Variants in IGSF3 observed in about 807,000 individuals in gnomAD.
IGSF3 encodes immunoglobulin superfamily member 3.
IGSF3 carries 23 observed loss-of-function variants against 114.4 expected under a neutral mutation model. The ratio of observed to expected loss-of-function variants is 0.20; its 90% confidence interval spans 0.14 to 0.28. The LOEUF is 0.28. Among genes scored for constraint, IGSF3 ranks in the 10% least tolerant of loss-of-function variants. IGSF3 has a pLI of 1.00. For missense variants in IGSF3, 1,172 were observed against 1,591.5 expected (o/e 0.74, Z 4.48); for synonymous variants, 571 against 645.2 (o/e 0.88, Z 1.74).
At chr1:116,586,528 C>T (rs998109963) in intron 8 of IGSF3, among the ~76,000 whole-genome samples, 2 of 152,188 alleles carry the variant, frequency 1.3e-5, no homozygotes, top group African/African-American at 4.8e-5. Flanking sequence ...AGCTGTTTTA[C>T]TCGGTGTCCT....
At chr1:116,667,416 G>C (rs1649382593) in intron 1 of IGSF3, among the ~76,000 whole-genome samples, 1 of 152,140 alleles carries the variant, frequency 6.6e-6, no homozygotes, top group African/African-American at 2.4e-5. Context: ...GGGAAGAAGG[G>C]AGTCCGGAGC....
At chr1:116,590,008 C>T (rs1045436719) in intron 7 of IGSF3, among the ~76,000 whole-genome samples, 1 of 151,674 alleles carries the variant, frequency 6.6e-6, no homozygotes, top group African/African-American at 2.4e-5. Flanking sequence ...AGTGGGTGAG[C>T]GAATGAGAGC....
rs1179843571 is a variant in IGSF3, at chr1:116,594,914, C to T, written c.2029+5027G>A. ...CCCCATTCCCTCCTCACGCCCCCTG[C>T]CCCCGTTCATGCCCTGTGCTGGCTC... On this transcript the variant is annotated intron_variant, in intron 7 of 10. Transcript: ENST00000369486. The surrounding 1 kb of genome is among the most constrained non-coding windows in gnomAD (Gnocchi z 5.2). Among the ~76,000 whole-genome samples the T allele has an allele frequency of 6.6e-6, 1 of 152,108 alleles. No homozygotes were observed. The highest frequency in any genetic ancestry group is 1.5e-5 in the Non-Finnish European group (1 of 68,022).
Position 116,595,542 on chromosome 1 carries a change from C to A in IGSF3, c.2029+4399G>T, listed in dbSNP as rs201387935. 6.6e-6 allele frequency among the ~76,000 whole-genome samples: 1 copy of A among 152,158 alleles called. No individual in the cohort carries two copies. Among genetic ancestry groups the A allele is most frequent in the Non-Finnish European group, 1.5e-5 (1 of 68,028 alleles). ...TCAGCAATAAGAAATAGAAGAAAACCGATTTGGCAACATCCAGAGGGTATT... is the reference window on the plus strand; with the variant it reads ...TCAGCAATAAGAAATAGAAGAAAACAGATTTGGCAACATCCAGAGGGTATT... On this transcript the variant is annotated intron_variant, in intron 7 of 10. Coordinates refer to ENST00000369486, the MANE Select transcript of IGSF3 (RefSeq NM_001007237.3). This position sits in a 1 kb window ranked among gnomAD's most constrained non-coding sequence, Gnocchi z 4.2.
intron 2 of IGSF3, chr1:116,617,385 C>A (rs4044846): frequency 1.0e-6 from 1 of 985,244 alleles, no homozygotes; most frequent in African/African-American, 1.7e-5. Context: ...GGGGCACAAC[C>A]CTGCCTCTTC....
At chr1:116,590,470 C>T (rs969689057) in intron 7 of IGSF3, among the ~76,000 whole-genome samples, 5 of 152,138 alleles carry the variant, frequency 3.3e-5, no homozygotes, top group African/African-American at 9.7e-5. Context: ...TTAGTTTTTC[C>T]GCCACAGGGA....
chr1:116,656,477 A>G (rs1375373111), intron 2 of IGSF3, among the ~76,000 whole-genome samples: 3 of 151,434 alleles, frequency 2.0e-5, no homozygotes, highest in Non-Finnish European at 4.4e-5. Flanking sequence ...ATTTTTTTGT[A>G]TTTGGGGTTT....
intron 7 of IGSF3, among the ~76,000 whole-genome samples, chr1:116,591,124 C>T (rs1224188050): frequency 6.6e-6 from 1 of 152,030 alleles, no homozygotes; most frequent in African/African-American, 2.4e-5. Flanking sequence ...AGAAAGTCCT[C>T]TAGGGCACAC....
intron 6 of IGSF3, among the ~76,000 whole-genome samples, chr1:116,601,674 A>C (rs1246814572): frequency 3.3e-5 from 5 of 152,244 alleles, no homozygotes; most frequent in African/African-American, 1.2e-4. Flanking sequence ...AGGTAGGTAC[A>C]ATTTGCTGAA....
At position 116,616,005 on chromosome 1, in the gene IGSF3, G is replaced by C; in HGVS notation, c.421+75C>G. On this transcript the variant is annotated intron_variant, in intron 3 of 10. Transcript: ENST00000369486. This position sits in a 1 kb window ranked among gnomAD's most constrained non-coding sequence, Gnocchi z 6.6. ...GATTTTTTTTAAAGTCAAATGCATG[G>C]CATAAAGCAAAATTACGCTACTAAA... 7.4e-7 allele frequency: 1 copy of C among 1,353,740 alleles called. No individual in the cohort carries two copies. The highest frequency in any genetic ancestry group is 1.0e-6 in the Non-Finnish European group (1 of 985,926). 83.9% of individuals were successfully genotyped at this position (1,353,740 alleles called of 1,614,324 possible).
At chr1:116,604,843 A>G (rs974249738) in intron 5 of IGSF3, among the ~76,000 whole-genome samples, 1 of 152,230 alleles carries the variant, frequency 6.6e-6, no homozygotes, top group African/African-American at 2.4e-5. Flanking sequence ...CAAATTATTT[A>G]AACTCGACAT....
In IGSF3 at chr1:116,585,155, A is replaced by C; in HGVS notation, c.2441-103T>G. Reference sequence around the variant, plus strand: ...ATGGATGCCTTCCAAATACAGAAGGACGGCAGCACACACTCCATTAGGAGA... The same window carrying C: ...ATGGATGCCTTCCAAATACAGAAGGCCGGCAGCACACACTCCATTAGGAGA... On this transcript the variant is annotated intron_variant, in intron 8 of 10. Transcript: ENST00000369486. The surrounding 1 kb of genome is among the most constrained non-coding windows in gnomAD (Gnocchi z 4.9). 1.3e-6 allele frequency: 1 copy of C among 796,482 alleles called. No homozygotes were observed. Among genetic ancestry groups the C allele is most frequent in the Non-Finnish European group, 2.0e-6 (1 of 509,538 alleles). 49.3% of individuals were successfully genotyped at this position (796,482 alleles called of 1,614,324 possible).
chr1:116,606,096 A>G (rs1660782700), intron 5 of IGSF3, among the ~76,000 whole-genome samples: 1 of 152,258 alleles, frequency 6.6e-6, no homozygotes, highest in Non-Finnish European at 1.5e-5. Context: ...GGCAGCCGAC[A>G]ATTTTAAACT....
rs1479908678 is a variant in IGSF3, at chr1:116,649,414, A to G, written c.43+16870T>C. Among the ~76,000 whole-genome samples, 1 of 152,142 alleles carries G rather than the reference A, an allele frequency of 6.6e-6. No homozygotes were observed. The highest frequency in any genetic ancestry group is 2.4e-5 in the African/African-American group (1 of 41,428). Reference sequence around the variant, plus strand: ...CCTCTCATTCCCAAAGTCTAGCCCTATTTTCAAATGAATTCAACGCCTCAT... The same window carrying G: ...CCTCTCATTCCCAAAGTCTAGCCCTGTTTTCAAATGAATTCAACGCCTCAT... On this transcript the variant is annotated intron_variant, in intron 2 of 10. Coordinates refer to ENST00000369486, the MANE Select transcript of IGSF3 (RefSeq NM_001007237.3). The surrounding 1 kb of genome is among the most constrained non-coding windows in gnomAD (Gnocchi z 4.5).
rs1319648622 is a variant in IGSF3 at position 116,636,708 on chromosome 1, G to A, written c.44-20251C>T. 6.6e-6 allele frequency among the ~76,000 whole-genome samples: 1 copy of A among 152,114 alleles called. No homozygotes were observed. Among genetic ancestry groups the A allele is most frequent in the Non-Finnish European group, 1.5e-5 (1 of 68,020 alleles). ...AAGAGGGGCTGGAACCCTGTCTTTTGCCTCGAAGCACAGGGCCCTCCTTCT... is the reference window on the plus strand; with the variant it reads ...AAGAGGGGCTGGAACCCTGTCTTTTACCTCGAAGCACAGGGCCCTCCTTCT... On this transcript the variant is annotated intron_variant, in intron 2 of 10. Transcript: ENST00000369486. This position sits in a 1 kb window ranked among gnomAD's most constrained non-coding sequence, Gnocchi z 4.5.
rs1263897725 is a variant in IGSF3, at chr1:116,628,340, A to C, written c.44-11883T>G. The stretch of plus-strand genomic sequence containing the variant: ...GCTTACACATGCCTGTTGCTGCTGC[A>C]CTCCCCACTGTGGTTCTCAGCGCAA... On this transcript the variant is annotated intron_variant, in intron 2 of 10. Coordinates refer to ENST00000369486, the MANE Select transcript of IGSF3 (RefSeq NM_001007237.3). This position sits in a 1 kb window ranked among gnomAD's most constrained non-coding sequence, Gnocchi z 4.2. Among the ~76,000 whole-genome samples the C allele has an allele frequency of 1.3e-5, 2 of 151,574 alleles. No homozygotes were observed.
rs1660198106 is a variant in IGSF3 at position 116,593,294 on chromosome 1, T to C, written c.2030-4190A>G. Among the ~76,000 whole-genome samples the C allele has an allele frequency of 6.6e-6, 1 of 152,244 alleles. No homozygotes were observed. Among genetic ancestry groups the C allele is most frequent in the Admixed American group, 6.5e-5 (1 of 15,286 alleles). On this transcript the variant is annotated intron_variant, in intron 7 of 10. Coordinates refer to ENST00000369486, the MANE Select transcript of IGSF3 (RefSeq NM_001007237.3). The surrounding 1 kb of genome is among the most constrained non-coding windows in gnomAD (Gnocchi z 4.5). Reference sequence around the variant, plus strand: ...CAAGTTTGAGAAGCAACAGCCGTGCTGCTGAGGTGGTTGCCGGTAAGTCTG... The same window carrying C: ...CAAGTTTGAGAAGCAACAGCCGTGCCGCTGAGGTGGTTGCCGGTAAGTCTG...
In IGSF3 at chr1:116,584,246, A is replaced by G. The variant is rs1407516389; in HGVS notation, c.2848+399T>C. Among the ~76,000 whole-genome samples the G allele has an allele frequency of 6.6e-6, 1 of 152,080 alleles. No individual in the cohort carries two copies. Among genetic ancestry groups the G allele is most frequent in the Non-Finnish European group, 1.5e-5 (1 of 68,008 alleles). On this transcript the variant is annotated intron_variant, in intron 9 of 10. Coordinates refer to ENST00000369486, the MANE Select transcript of IGSF3 (RefSeq NM_001007237.3). This position sits in a 1 kb window ranked among gnomAD's most constrained non-coding sequence, Gnocchi z 5.8. ...ACAGAGTGAAGGCTGCACACAATTC[A>G]TTGTTTTCTATTTAAAGCATGTAAA...
At position 116,593,627 on chromosome 1, in the gene IGSF3, G is replaced by A. The variant is rs1301895568; in HGVS notation, c.2030-4523C>T. ...CCTTGGCTCCCTGCTCTCTCCACAT[G>A]ACCATTCCCTATTTGGGCCCTCAAT... On this transcript the variant is annotated intron_variant, in intron 7 of 10. Transcript: ENST00000369486. This position sits in a 1 kb window ranked among gnomAD's most constrained non-coding sequence, Gnocchi z 4.5. 3.3e-5 allele frequency among the ~76,000 whole-genome samples: 5 copies of A among 152,286 alleles called. No individual in the cohort carries two copies. The highest frequency in any genetic ancestry group is 7.2e-5 in the African/African-American group (3 of 41,564).
Sources: gnomAD v4.1 joint callset for allele counts (sites outside exome capture counted in the v4.1 genomes callset) on GRCh38, gnomAD v4.1.1 for gene constraint, Gnocchi (gnomAD v3.1) non-coding constraint, MANE v1.5 for transcripts, NCBI Gene and HGNC (gene_info 2026-07-23, HGNC 2026-07-21) for gene names.